METTL8: variants seen among roughly 807,000 people sequenced by gnomAD.
METTL8 encodes the protein methyltransferase 8, tRNA N3-cytidine.
Under a neutral mutation model 48.7 loss-of-function variants are expected in METTL8, and 32 were observed. That is an observed-to-expected ratio of 0.66 (90% CI 0.50 to 0.88). The LOEUF (loss-of-function observed/expected upper bound fraction) is 0.88. METTL8 is among the 40% of genes least tolerant of loss of function. The probability of loss-of-function intolerance (pLI) is 0.00; values close to 1 mark genes in which losing one functional copy is unlikely to be tolerated. For synonymous variants in METTL8, 136 were observed against 157.1 expected (o/e 0.87, Z 1.01); for missense variants, 464 against 474.4 (o/e 0.98, Z 0.20).
chr2:171,326,982 T>C (rs1005900721), intron 7 of METTL8: 7 of 152,266 alleles, frequency 4.6e-5, no homozygotes, highest in Non-Finnish European at 8.8e-5. Flanking sequence ...GATCTCCTAC[T>C]ACTGACCCCA....
chr2:171,379,811 C>T lies in METTL8; in HGVS notation c.143+12232G>A, dbSNP rs558882000. 5.3e-5 allele frequency among the ~76,000 whole-genome samples: 8 copies of T among 152,274 alleles called. No individual in the cohort carries two copies. In the South Asian group the frequency reaches 1.7e-3, roughly 32 times the overall value. ...CAGATAGATTCACAGCTAAATTCTACCAGAGGTACAAAGAGGAGCTGATAC... is the reference window on the plus strand; with the variant it reads ...CAGATAGATTCACAGCTAAATTCTATCAGAGGTACAAAGAGGAGCTGATAC... On this transcript the variant is annotated intron_variant, in intron 2 of 9. Coordinates refer to ENST00000375258, the MANE Select transcript of METTL8 (RefSeq NM_001321154.2).
chr2:171,344,364 CACCCATT>C (rs1323145000), intron 3 of METTL8, among the ~76,000 whole-genome samples: 2 of 152,216 alleles, frequency 1.3e-5, no homozygotes, highest in Non-Finnish European at 2.9e-5. Flanking sequence ...CCCACGCTCT[CACCCATT>C]ACACTACACT....
At chr2:171,429,838 G>T (rs1692804393) in intron 1 of METTL8, among the ~76,000 whole-genome samples, 1 of 151,830 alleles carries the variant, frequency 6.6e-6, no homozygotes, top group South Asian at 2.1e-4. Context: ...TCAGGAGTTT[G>T]AGACCAGCCT....
chr2:171,329,264 T>C lies in METTL8; in HGVS notation c.860+1295A>G, dbSNP rs145860353. Among the ~76,000 whole-genome samples, 243 of 152,374 alleles carry C rather than the reference T, an allele frequency of 1.6e-3. 2 individuals are homozygous for C. The highest frequency in any genetic ancestry group is 5.5e-3 in the African/African-American group (228 of 41,594). ...CCTCGGCTTCCCAAAGTGCTGGGAT[T>C]ACAGGTGTGAACCACTGCACCTGGC... On this transcript the variant is annotated intron_variant, in intron 7 of 9. Coordinates refer to ENST00000375258, the MANE Select transcript of METTL8 (RefSeq NM_001321154.2).
intron 1 of METTL8, 88 bp from the exon 2 acceptor site, chr2:171,392,285 C>T: frequency 9.4e-7 from 1 of 1,061,922 alleles, no homozygotes; most frequent in Non-Finnish European, 1.3e-6. Flanking sequence ...TAAAGGTTTT[C>T]AATCTGAGAA....
intron 1 of METTL8, among the ~76,000 whole-genome samples, chr2:171,396,050 T>C (rs1471175711): frequency 1.3e-5 from 2 of 152,060 alleles, no homozygotes; most frequent in African/African-American, 4.8e-5. Context: ...GGCGGGCAGA[T>C]CACCTGAGGT....
chr2:171,392,475 T>C (rs1280813765), intron 1 of METTL8, among the ~76,000 whole-genome samples: 5 of 152,200 alleles, frequency 3.3e-5, no homozygotes. Flanking sequence ...GCTTATTTAA[T>C]TTTTAGCACA....
At chr2:171,422,447 G>A (rs1432146950) in intron 1 of METTL8, among the ~76,000 whole-genome samples, 1 of 152,172 alleles carries the variant, frequency 6.6e-6, no homozygotes, top group Non-Finnish European at 1.5e-5. Context: ...TTAAACAATA[G>A]TCAAATTATA....
intron 2 of METTL8, among the ~76,000 whole-genome samples, chr2:171,368,633 A>C (rs1471846104): frequency 6.6e-6 from 1 of 151,662 alleles, no homozygotes; most frequent in Non-Finnish European, 1.5e-5. Context: ...TAGAAGATCT[A>C]CATCAAACAG....
intron 3 of METTL8, among the ~76,000 whole-genome samples, chr2:171,360,000 T>C (rs1415927000): frequency 1.3e-5 from 2 of 152,192 alleles, no homozygotes; most frequent in South Asian, 2.1e-4. Context: ...CTGCCTTCAA[T>C]CCTTACTGAA....
chr2:171,403,078 AT>A (rs1281789543), intron 1 of METTL8, among the ~76,000 whole-genome samples: 3 of 152,324 alleles, frequency 2.0e-5, no homozygotes, highest in Non-Finnish European at 4.4e-5. Context: ...GTCCTGAATA[AT>A]TTATGTAAAT....
rs551786584 is a variant in METTL8, at chr2:171,368,533, A to T, written c.144-8020T>A. On this transcript the variant is annotated intron_variant, in intron 2 of 9. Transcript: ENST00000375258. ...TTGTGTCCACCACCATGAGTTTGATAGGTTCCCAATACAGATTTTCCTGAT... is the reference window on the plus strand; with the variant it reads ...TTGTGTCCACCACCATGAGTTTGATTGGTTCCCAATACAGATTTTCCTGAT... Among the ~76,000 whole-genome samples, 10 of 151,974 alleles carry T rather than the reference A, an allele frequency of 6.6e-5. No individual in the cohort carries two copies. The East Asian group carries it at 1.9e-3, about 29-fold the overall frequency.
intron 2 of METTL8, among the ~76,000 whole-genome samples, chr2:171,386,955 G>C (rs368361615): frequency 6.6e-6 from 1 of 152,144 alleles, no homozygotes; most frequent in African/African-American, 2.4e-5. Context: ...AGGGCAGCCA[G>C]AGGAGAGCCC....
At position 171,326,117 on chromosome 2, in the gene METTL8, A is replaced by T; in HGVS notation, c.892T>A (p.Leu298Ile). ...AACAGCATTCCCCCAGGTTTCAGTA[A>T]CTTGGACAGTCGGTTTACAACACCT... ...MQGVVNRLSK[L>I]LKPGGMLLFR... Residue 298 changes from leucine (L) to isoleucine (I), a missense_variant, in exon 8 of 10, where the codon TTA becomes ATA. Transcript: ENST00000375258. The T allele has an allele frequency of 6.5e-7, 1 of 1,549,222 alleles. No individual in the cohort carries two copies. The highest frequency in any genetic ancestry group is 8.7e-7 in the Non-Finnish European group (1 of 1,144,988).
intron 2 of METTL8, among the ~76,000 whole-genome samples, chr2:171,389,058 G>A (rs1045394668): frequency 3.3e-5 from 5 of 152,130 alleles, no homozygotes; most frequent in African/African-American, 4.8e-5. Flanking sequence ...TGGCCTCTAC[G>A]TGTTCAAATG....
In METTL8 at chr2:171,389,866, G is replaced by A. The variant is rs550250452; in HGVS notation, c.143+2177C>T. ...CGAGTTATCCAGAAGATCCAGCTAA[G>A]ATCACTGATGAAGGTGGTTACACTA... On this transcript the variant is annotated intron_variant, in intron 2 of 9. Coordinates refer to ENST00000375258, the MANE Select transcript of METTL8 (RefSeq NM_001321154.2). 3.3e-4 allele frequency among the ~76,000 whole-genome samples: 51 copies of A among 152,308 alleles called. No homozygotes were observed. The South Asian group carries it at 0.01, about 31-fold the overall frequency.
At chr2:171,378,815 T>A (rs1186570340) in intron 2 of METTL8, among the ~76,000 whole-genome samples, 1 of 152,066 alleles carries the variant, frequency 6.6e-6, no homozygotes, top group African/African-American at 2.4e-5. Flanking sequence ...GGTGGGAGAC[T>A]TTAACACCCC....
At chr2:171,328,589 C>A (rs1248903739) in intron 7 of METTL8, among the ~76,000 whole-genome samples, 1 of 152,234 alleles carries the variant, frequency 6.6e-6, no homozygotes, top group Non-Finnish European at 1.5e-5. Flanking sequence ...TGGGTCACTG[C>A]AACCTCCGTC....
At chr2:171,417,098 C>T (rs759016313) in intron 1 of METTL8, among the ~76,000 whole-genome samples, 7 of 152,098 alleles carry the variant, frequency 4.6e-5, no homozygotes, top group Non-Finnish European at 8.8e-5. Context: ...TACTGAAAAC[C>T]AAATAAAATT....
Sources: gnomAD v4.1 joint callset for allele counts (sites outside exome capture counted in the v4.1 genomes callset) on GRCh38, gnomAD v4.1.1 for gene constraint, MANE v1.5 for transcripts, NCBI Gene and HGNC (gene_info 2026-07-23, HGNC 2026-07-21) for gene names.